The following NPIPB2 variants were observed in gnomAD, a reference collection of about 807,000 sequenced individuals.
The protein encoded by NPIPB2 is nuclear pore complex interacting protein family member B2.
A neutral mutation model predicts 30.8 loss-of-function variants in NPIPB2; 27 were observed. The ratio of observed to expected loss-of-function variants is 0.88; its 90% CI spans 0.65 to 1.21. The LOEUF (loss-of-function observed/expected upper bound fraction) is 1.21, where lower values mean the gene tolerates loss of function less well. Ranked by LOEUF, NPIPB2 falls within the 50% of genes most tolerant of loss-of-function variation. The pLI is 0.00. For synonymous variants in NPIPB2, 147 were observed against 162.0 expected (o/e 0.91, Z 0.70); for missense variants, 440 against 446.2 (o/e 0.99, Z 0.13).
At chr16:11,973,157 A>C (rs2055246136) in intron 1 of NPIPB2, among the ~76,000 whole-genome samples, 1 of 115,840 alleles carries the variant, frequency 8.6e-6, no homozygotes, top group Admixed American at 9.3e-5. Flanking sequence ...CAAGAGTGAA[A>C]CTGTCAAAAA....
upstream of NPIPB2, among the ~76,000 whole-genome samples, chr16:11,945,715 A>T (rs2055000596): frequency 6.6e-6 from 1 of 152,038 alleles, no homozygotes; most frequent in Non-Finnish European, 1.5e-5. Flanking sequence ...TGCTGGAGTC[A>T]TGCTGAGCAT....
chr16:11,974,461 G>A (rs529108325), intron 1 of NPIPB2, among the ~76,000 whole-genome samples: 1 of 152,238 alleles, frequency 6.6e-6, no homozygotes, highest in Admixed American at 6.5e-5. Context: ...AGGTTGTAGT[G>A]AGCCGAGATC....
intron 1 of NPIPB2, among the ~76,000 whole-genome samples, chr16:11,938,009 A>G (rs995570877): frequency 6.6e-6 from 1 of 152,036 alleles, no homozygotes; most frequent in Non-Finnish European, 1.5e-5. Flanking sequence ...CTGATGATCT[A>G]AAAAAAACCT....
chr16:11,955,093 G>C (rs894972160), intron 1 of NPIPB2, among the ~76,000 whole-genome samples: 4 of 151,964 alleles, frequency 2.6e-5, no homozygotes, highest in African/African-American at 9.7e-5. Flanking sequence ...TCAGAATTTA[G>C]GCTGGGCGCG....
At chr16:11,938,909 G>A (rs1338464013) in intron 1 of NPIPB2, among the ~76,000 whole-genome samples, 2 of 151,534 alleles carry the variant, frequency 1.3e-5, no homozygotes, top group South Asian at 2.1e-4. Context: ...CACCACGCTC[G>A]GCTAATTTTT....
At chr16:11,973,139 C>T (rs1002975153) in intron 1 of NPIPB2, among the ~76,000 whole-genome samples, 1 of 144,348 alleles carries the variant, frequency 6.9e-6, no homozygotes, top group Non-Finnish European at 1.5e-5. Flanking sequence ...GCACTCCAGC[C>T]TGGGCAACAA....
chr16:11,927,455 GC>G lies in NPIPB2; in HGVS notation c.1111del (p.Ala371ProfsTer16), dbSNP rs1407113345. 1 of 1,117,406 alleles carries G rather than the reference GC, an allele frequency of 8.9e-7. No homozygotes were observed. The highest frequency in any genetic ancestry group is 2.6e-5 in the African/African-American group (1 of 37,832). The allele number at this position is 1,117,406 out of a possible 1,614,324, so 69.2% of individuals were successfully genotyped here. On this transcript the variant is annotated frameshift_variant, in exon 8 of 8. Coordinates refer to ENST00000399147, the Ensembl canonical transcript of NPIPB2. LOFTEE classifies it high-confidence loss of function. ...GGGTGATGATGGTTCCACCTCAGCG[GC>G]CCTCCGCCTCTTGGGTTCGGGTGGT...
chr16:11,962,226 T>A (rs1003423423), intron 1 of NPIPB2, among the ~76,000 whole-genome samples: 1 of 109,484 alleles, frequency 9.1e-6, no homozygotes, highest in Admixed American at 9.9e-5. Context: ...AAAGGCTGGG[T>A]GCGGTGGCTT....
intron 1 of NPIPB2, among the ~76,000 whole-genome samples, chr16:11,969,304 C>A (rs542318143): frequency 6.6e-6 from 1 of 152,114 alleles, no homozygotes; most frequent in Non-Finnish European, 1.5e-5. Flanking sequence ...GTCGTTGACA[C>A]GGGAGTGCAG....
upstream of NPIPB2, among the ~76,000 whole-genome samples, chr16:11,943,981 G>C: frequency 1.2e-5 from 1 of 85,910 alleles, no homozygotes; most frequent in South Asian, 4.9e-4. Context: ...CTGGGTGACA[G>C]AGCAAGACTC....
At chr16:11,944,469 A>G (rs1245712915), upstream of NPIPB2, among the ~76,000 whole-genome samples, 2 of 151,740 alleles carry the variant, frequency 1.3e-5, 1 homozygote, top group Admixed American at 1.3e-4. Context: ...ACCTGGCCTT[A>G]AATTTTTTAT....
At chr16:11,942,221 A>G, upstream of NPIPB2, 1 of 661,152 alleles carries the variant, frequency 1.5e-6, no homozygotes. Context: ...TATATTTGAG[A>G]GCAATCAAAT....
At chr16:11,968,614 G>C (rs1462190262) in intron 1 of NPIPB2, 1 of 152,116 alleles carries the variant, frequency 6.6e-6, no homozygotes, top group South Asian at 2.1e-4. Flanking sequence ...GGTTGTTCTT[G>C]TTACAGCCCT....
intron 4 of NPIPB2, among the ~76,000 whole-genome samples, chr16:11,932,951 C>G (rs2054810570): frequency 6.7e-6 from 1 of 148,364 alleles, no homozygotes; most frequent in South Asian, 2.2e-4. Flanking sequence ...GAGCGAGACT[C>G]TATCTCAAAA....
rs565455681 is a variant in NPIPB2, at chr16:11,937,027, C to A, written c.192+513G>T. On this transcript the variant is annotated intron_variant, in intron 2 of 7. Coordinates refer to ENST00000399147, the Ensembl canonical transcript of NPIPB2. ...CCTACATCTCCATCTATCTCCCTCT[C>A]CCCTCAGAAGAGGGTGCTCTTTAAG... 3.0e-4 allele frequency among the ~76,000 whole-genome samples: 46 copies of A among 151,990 alleles called. No homozygotes were observed. In the South Asian group the frequency reaches 4.2e-3, roughly 14 times the overall value.
rs2054775587 is a variant in NPIPB2, at chr16:11,930,417, C to T, written c.590+33G>A. 30 of 1,527,854 alleles carry T rather than the reference C, an allele frequency of 2.0e-5. No individual in the cohort carries two copies. In the South Asian group the frequency reaches 3.3e-4, roughly 17 times the overall value. The allele number at this position is 1,527,854 out of a possible 1,614,324, so 94.6% of individuals were successfully genotyped here. A position where few individuals can be genotyped will look rare whatever the true frequency, so the allele number is the denominator to read the frequency against. On this transcript the variant is annotated intron_variant, in intron 5 of 7. Transcript: ENST00000399147. ...AAAAACAACACTCCAATGGGCGTTT[C>T]CCAAGAGGGTGGGGTTCAGTTTCTG...
upstream of NPIPB2, among the ~76,000 whole-genome samples, chr16:11,946,436 G>A (rs1031098943): frequency 2.7e-5 from 4 of 150,750 alleles, no homozygotes; most frequent in Admixed American, 6.6e-5. Flanking sequence ...GCGCAGTGGT[G>A]TGTGCCTTTA....
intron 1 of NPIPB2, chr16:11,968,128 T>G (rs1177790781): frequency 9.8e-6 from 3 of 306,088 alleles, no homozygotes; most frequent in African/African-American, 2.3e-5. Flanking sequence ...GTGTGGGGGG[T>G]GAGGGTGGGA....
At chr16:11,955,824 T>C (rs2055105888) in intron 1 of NPIPB2, among the ~76,000 whole-genome samples, 1 of 116,030 alleles carries the variant, frequency 8.6e-6, no homozygotes, top group African/African-American at 3.5e-5. Flanking sequence ...TGGGAAGCCT[T>C]CCACTGGGAG....
Sources: gnomAD v4.1 joint callset for allele counts (sites outside exome capture counted in the v4.1 genomes callset) on GRCh38, gnomAD v4.1.1 for gene constraint, MANE v1.5 for transcripts, NCBI Gene and HGNC (gene_info 2026-07-23, HGNC 2026-07-21) for gene names.